RSPH14: variants seen among roughly 807,000 people sequenced by gnomAD.
RSPH14 encodes rhabdoid tumor deletion region gene 1.
A neutral mutation model predicts 26.7 loss-of-function variants in RSPH14; 20 were observed. That is an observed-to-expected ratio of 0.75 (90% CI 0.53 to 1.09). The LOEUF is 1.09. RSPH14 is among the 50% of genes least tolerant of loss of function. RSPH14 has a pLI of 0.00. For missense variants in RSPH14, 449 were observed against 457.2 expected, an observed-to-expected ratio of 0.98 and a Z score of 0.16; for synonymous variants, 177 against 189.3, an observed-to-expected ratio of 0.93 and a Z score of 0.53.
At chr22:23,116,013 T>A (rs748153635) in intron 4 of RSPH14, among the ~76,000 whole-genome samples, 25 of 152,214 alleles carry the variant, frequency 1.6e-4, no homozygotes, top group Non-Finnish European at 2.9e-4. Flanking sequence ...ATGTGCCAGA[T>A]GGGCCCTGAG....
At chr22:23,062,312 G>A (rs1322210484) in intron 5 of RSPH14, among the ~76,000 whole-genome samples, 1 of 152,176 alleles carries the variant, frequency 6.6e-6, no homozygotes, top group Admixed American at 6.5e-5. Context: ...TGACAGTGAT[G>A]GGCCAAGCTG....
intron 4 of RSPH14, among the ~76,000 whole-genome samples, chr22:23,115,497 T>C (rs2069800546): frequency 6.6e-6 from 1 of 151,732 alleles, no homozygotes; most frequent in African/African-American, 2.4e-5. Context: ...AATCTGGGAG[T>C]GCGTCTGGCC....
intron 4 of RSPH14, among the ~76,000 whole-genome samples, chr22:23,079,097 A>G (rs1425407188): frequency 6.6e-6 from 1 of 152,220 alleles, no homozygotes; most frequent in Non-Finnish European, 1.5e-5. Flanking sequence ...CATGGGATAC[A>G]TCAATGAACA....
At chr22:23,061,566 G>A (rs2068092775) in intron 6 of RSPH14, among the ~76,000 whole-genome samples, 1 of 152,194 alleles carries the variant, frequency 6.6e-6, no homozygotes. Flanking sequence ...ACAGACTGGT[G>A]CGAAGGCACA....
chr22:23,180,421 T>A, the RSPH14 span: 1 of 167,398 alleles, frequency 6.0e-6, no homozygotes, highest in Non-Finnish European at 1.3e-5. Context: ...CCCCGCCCTG[T>A]GCCCACGGCG....
chr22:23,177,054 T>C, the RSPH14 span, among the ~76,000 whole-genome samples: 2 of 152,228 alleles, frequency 1.3e-5, no homozygotes, highest in African/African-American at 4.8e-5. Context: ...CAGCTTTTCC[T>C]TGCATTTAGA....
chr22:23,133,449 A>C (rs886692159), intron 4 of RSPH14, among the ~76,000 whole-genome samples: 4 of 152,222 alleles, frequency 2.6e-5, no homozygotes, highest in Admixed American at 6.5e-5. Flanking sequence ...TAAGGGTAAT[A>C]CCCAGTATGG....
chr22:23,128,717 G>C (rs1004836855), intron 4 of RSPH14, among the ~76,000 whole-genome samples: 2 of 152,200 alleles, frequency 1.3e-5, no homozygotes, highest in Non-Finnish European at 2.9e-5. Flanking sequence ...AGGCACGGTG[G>C]CCAGAACAAA....
At chr22:23,109,816 A>G (rs1219184101) in intron 4 of RSPH14, among the ~76,000 whole-genome samples, 3 of 152,182 alleles carry the variant, frequency 2.0e-5, no homozygotes, top group Non-Finnish European at 4.4e-5. Flanking sequence ...GAAGGCTCAG[A>G]GCATAGGCAG....
At chr22:23,067,088 C>T (rs192207909) in intron 4 of RSPH14, among the ~76,000 whole-genome samples, 7 of 152,176 alleles carry the variant, frequency 4.6e-5, no homozygotes, top group Admixed American at 2.0e-4. Flanking sequence ...GGGGAGTCCC[C>T]GATCTGGCCT....
chr22:23,154,018 T>G, the RSPH14 span, among the ~76,000 whole-genome samples: 1 of 152,070 alleles, frequency 6.6e-6, no homozygotes, highest in African/African-American at 2.4e-5. Flanking sequence ...TGCTAGGCCC[T>G]GGGAGTCTGA....
chr22:23,093,856 C>G (rs922022394), intron 4 of RSPH14, among the ~76,000 whole-genome samples: 9 of 152,174 alleles, frequency 5.9e-5, no homozygotes, highest in African/African-American at 2.2e-4. Flanking sequence ...GAGGCCACCA[C>G]CACTGCCAGG....
At chr22:23,137,524 C>T (rs2070503006) in intron 3 of RSPH14, among the ~76,000 whole-genome samples, 1 of 152,080 alleles carries the variant, frequency 6.6e-6, no homozygotes, top group South Asian at 2.1e-4. Context: ...TTGATGGGCT[C>T]TAAGTAAAGG....
chr22:23,140,279 T>C lies in RSPH14; in HGVS notation c.142A>G (p.Met48Val), dbSNP rs2070568238. The change falls in exon 2 of 7, where the codon ATG (methionine) becomes GTG (valine). Residue 48 changes from methionine to valine, a missense_variant. Physicochemically the swap from Met to Val is conservative, Grantham distance 21. Transcript: ENST00000216036. Reference protein sequence around the residue: ...EDLQTRQKALMALCDLMHDPE... With the variant: ...EDLQTRQKALVALCDLMHDPE... ...TCATGCATGAGGTCACACAAGGCCA[T>C]GAGGGCTTTCTGCCTCGTCTGGAGG... is the stretch of plus-strand genomic sequence containing the variant. 1.2e-6 allele frequency: 2 copies of C among 1,614,206 alleles called. No homozygotes were observed. The highest frequency in any genetic ancestry group is 2.7e-5 in the African/African-American group (2 of 75,056).
intron 4 of RSPH14, chr22:23,123,092 G>T: frequency 3.1e-6 from 5 of 1,610,312 alleles, no homozygotes; most frequent in Non-Finnish European, 4.2e-6. Context: ...CCCAGAGTCG[G>T]ATGGCAGAGA....
the RSPH14 span, among the ~76,000 whole-genome samples, chr22:23,175,597 A>C: frequency 1.3e-5 from 2 of 152,270 alleles, no homozygotes; most frequent in Non-Finnish European, 2.9e-5. Context: ...CTGGGATTAC[A>C]GGCGTGAGCC....
intron 4 of RSPH14, among the ~76,000 whole-genome samples, chr22:23,116,803 G>C (rs185820324): frequency 6.6e-6 from 1 of 151,958 alleles, no homozygotes; most frequent in Admixed American, 6.5e-5. Flanking sequence ...GTGTGGGGAG[G>C]TGTTTAGGCT....
chr22:23,062,926 C>T (rs1170829214), intron 5 of RSPH14, among the ~76,000 whole-genome samples: 4 of 152,210 alleles, frequency 2.6e-5, no homozygotes, highest in Admixed American at 1.3e-4. Flanking sequence ...GCCAAAGCTC[C>T]CCCGCTGCAA....
intron 4 of RSPH14, chr22:23,122,467 G>A (rs1298102272): frequency 2.0e-5 from 3 of 153,110 alleles, no homozygotes; most frequent in African/African-American, 7.2e-5. Flanking sequence ...GGGCAGGGGA[G>A]GAGCCTGGCC....
Sources: gnomAD v4.1 joint callset for allele counts (sites outside exome capture counted in the v4.1 genomes callset) on GRCh38, gnomAD v4.1.1 for gene constraint, MANE v1.5 for transcripts, NCBI Gene and HGNC (gene_info 2026-07-23, HGNC 2026-07-21) for gene names.